HBS1L: variants seen among roughly 807,000 people sequenced by gnomAD.
HBS1L encodes HBS1 like translational GTPase.
HBS1L carries 55 observed loss-of-function variants against 88.9 expected under a neutral mutation model. The ratio of observed to expected loss-of-function variants is 0.62; its 90% CI spans 0.50 to 0.77. HBS1L has a LOEUF of 0.77. HBS1L is among the 30% of genes least tolerant of loss of function. The pLI is 0.00. For missense variants in HBS1L, 741 were observed against 829.3 expected (o/e 0.89, Z 1.31); for synonymous variants, 267 against 288.5 (o/e 0.93, Z 0.76).
At chr6:134,987,544 C>T (rs1357354966) in intron 9 of HBS1L, 101 bp downstream of exon 9, 18 of 766,890 alleles carry the variant, frequency 2.3e-5, no homozygotes, top group Admixed American at 6.2e-5. Flanking sequence ...ACATGGCAAC[C>T]GACTAATAAA....
At chr6:135,005,385 A>ACT (rs946823302) in intron 4 of HBS1L, among the ~76,000 whole-genome samples, 2 of 152,228 alleles carry the variant, frequency 1.3e-5, no homozygotes. Flanking sequence ...ACAGCCACAC[A>ACT]CTTCAGGGCA....
In HBS1L at chr6:134,999,453, T is replaced by C. The variant is rs1380882573; in HGVS notation, c.540-1797A>G. On this transcript the variant is annotated intron_variant, in intron 5 of 17. Coordinates refer to ENST00000367837, the MANE Select transcript of HBS1L (RefSeq NM_006620.4). ...TAAGTAAATCTTTTTCTTTTCTTTT[T>C]TTTTTTTTTTTTGAGATGGAGTCTC... Among the ~76,000 whole-genome samples, 8 of 146,474 alleles carry C rather than the reference T, an allele frequency of 5.5e-5. No individual in the cohort carries two copies. The East Asian group carries it at 7.9e-4, about 14-fold the overall frequency.
At position 135,036,433 on chromosome 6, in the gene HBS1L, A is replaced by C. The variant is rs1583145794; in HGVS notation, c.430+3140T>G. 6 of 1,362,706 alleles carry C rather than the reference A, an allele frequency of 4.4e-6. No individual in the cohort carries two copies. The East Asian group carries it at 1.6e-4, about 36-fold the overall frequency. The allele number at this position is 1,362,706 out of a possible 1,614,324, so 84.4% of individuals were successfully genotyped here. ...TCAGTGCAAAAATACGTATCAACTA[A>C]TCAACTGACCTACGACAATTTTCAT... On this transcript the variant is annotated intron_variant, in intron 4 of 17. Coordinates refer to ENST00000367837, the MANE Select transcript of HBS1L (RefSeq NM_006620.4).
At chr6:135,005,628 G>C (rs1399215555) in intron 4 of HBS1L, among the ~76,000 whole-genome samples, 2 of 152,152 alleles carry the variant, frequency 1.3e-5, no homozygotes, top group Non-Finnish European at 2.9e-5. Flanking sequence ...AGGGGATATG[G>C]GATCAAGCTG....
chr6:134,985,321 A>G lies in HBS1L; in HGVS notation c.1492+20T>C, dbSNP rs1272958900. ...GGAAAAGGGGCTATACTGAAGAAGC[A>G]CTACAAAGGTAGCACTTACCTTTGA... On this transcript the variant is annotated intron_variant, in intron 12 of 17. Transcript: ENST00000367837. 1 of 1,529,332 alleles carries G rather than the reference A, an allele frequency of 6.5e-7. No homozygotes were observed. Among genetic ancestry groups the G allele is most frequent in the Non-Finnish European group, 8.9e-7 (1 of 1,117,606 alleles). 94.7% of individuals were successfully genotyped at this position (1,529,332 alleles called of 1,614,324 possible).
intron 8 of HBS1L, among the ~76,000 whole-genome samples, chr6:134,992,460 C>T (rs1373358343): frequency 6.6e-6 from 1 of 152,140 alleles, no homozygotes. Context: ...AAGAATATAG[C>T]ATATGCAATT....
chr6:135,013,683 A>G (rs1775837208), intron 4 of HBS1L, among the ~76,000 whole-genome samples: 1 of 152,214 alleles, frequency 6.6e-6, no homozygotes, highest in Non-Finnish European at 1.5e-5. Context: ...GTGATCTAAG[A>G]GCAATGGAGA....
intron 4 of HBS1L, among the ~76,000 whole-genome samples, chr6:135,028,371 G>T (rs1481422560): frequency 6.6e-6 from 1 of 151,510 alleles, no homozygotes; most frequent in Admixed American, 6.6e-5. Flanking sequence ...AAATCTAAAA[G>T]AATAAGACAA....
intron 4 of HBS1L, among the ~76,000 whole-genome samples, chr6:135,020,161 C>CAA (rs3834279): frequency 2.1e-5 from 3 of 142,870 alleles, no homozygotes; most frequent in Non-Finnish European, 4.6e-5. Flanking sequence ...AAAAACCCTC[C>CAA]AAAAAAAAAA....
At chr6:135,031,363 G>A (rs1034808245) in intron 4 of HBS1L, among the ~76,000 whole-genome samples, 1 of 152,076 alleles carries the variant, frequency 6.6e-6, no homozygotes, top group African/African-American at 2.4e-5. Context: ...TTAATTCAGT[G>A]TTCGTAGTGA....
intron 5 of HBS1L, among the ~76,000 whole-genome samples, chr6:135,000,269 C>A (rs142576442): frequency 7.0e-6 from 1 of 143,648 alleles, no homozygotes; most frequent in African/African-American, 2.7e-5. Context: ...ATATATTGCC[C>A]GAGCTGGTCT....
At chr6:135,047,791 T>C (rs1375192424) in intron 2 of HBS1L, among the ~76,000 whole-genome samples, 1 of 152,236 alleles carries the variant, frequency 6.6e-6, no homozygotes, top group Non-Finnish European at 1.5e-5. Flanking sequence ...TGCTCTCTAA[T>C]GTGCTTAGAA....
intron 5 of HBS1L, among the ~76,000 whole-genome samples, chr6:135,001,855 T>C (rs189514701): frequency 3.3e-5 from 5 of 150,906 alleles, no homozygotes; most frequent in African/African-American, 1.2e-4. Flanking sequence ...AATACCTCAC[T>C]AGTTTAGACA....
intron 15 of HBS1L, among the ~76,000 whole-genome samples, chr6:134,976,399 A>T (rs1774645156): frequency 1.3e-5 from 2 of 152,178 alleles, no homozygotes. Flanking sequence ...CAGCAGTCTC[A>T]CTACTGGGTA....
intron 4 of HBS1L, among the ~76,000 whole-genome samples, chr6:135,004,199 A>C (rs999865500): frequency 1.1e-4 from 16 of 152,030 alleles, no homozygotes; most frequent in Admixed American, 4.6e-4. Context: ...GATGGTGAAG[A>C]ACAGACGTAA....
chr6:134,980,724 T>C (rs892329132), intron 13 of HBS1L, among the ~76,000 whole-genome samples: 6 of 151,530 alleles, frequency 4.0e-5, no homozygotes, highest in Non-Finnish European at 8.9e-5. Context: ...GGCTCTTTTT[T>C]AATACTCTAT....
At chr6:135,012,239 A>G (rs1775797378) in intron 4 of HBS1L, among the ~76,000 whole-genome samples, 3 of 152,234 alleles carry the variant, frequency 2.0e-5, no homozygotes, top group Non-Finnish European at 4.4e-5. Context: ...GAAGACCTAC[A>G]TGTATGAAAA....
At position 134,982,464 on chromosome 6, in the gene HBS1L, CGG is replaced by C; in HGVS notation, c.1589_1590del (p.Thr530SerfsTer8). 2.5e-6 allele frequency: 4 copies of C among 1,589,324 alleles called. No homozygotes were observed. Among genetic ancestry groups the C allele is most frequent in the Non-Finnish European group, 3.5e-6 (4 of 1,158,428 alleles). On this transcript the variant is annotated frameshift_variant, in exon 13 of 18. Coordinates refer to ENST00000367837, the MANE Select transcript of HBS1L (RefSeq NM_006620.4). LOFTEE classifies it high-confidence loss of function. ...GCATCTTGCAGATAAATACCTTTCACGGTACAAGTTTCATTAGGAGGCATTGC... is the reference window on the plus strand; with the variant it reads ...GCATCTTGCAGATAAATACCTTTCACTACAAGTTTCATTAGGAGGCATTGC... ...LLAMPPNETC[T>X]VKGITLHDEP... is the part of the protein sequence containing the mutation.
intron 4 of HBS1L, among the ~76,000 whole-genome samples, chr6:135,034,534 C>G (rs908150095): frequency 1.3e-5 from 2 of 152,190 alleles, no homozygotes; most frequent in African/African-American, 2.4e-5. Flanking sequence ...ATCCCAGCTA[C>G]TCGGGGGGCT....
Sources: allele counts gnomAD v4.1 joint callset (sites outside exome capture counted in the v4.1 genomes callset), GRCh38; gene constraint gnomAD v4.1.1; transcripts MANE v1.5; gene names NCBI Gene and HGNC (gene_info 2026-07-23, HGNC 2026-07-21).